Variants in GRID2 observed in about 807,000 individuals in gnomAD.
GRID2 encodes the protein glutamate ionotropic receptor delta type subunit 2.
In GRID2, 33 loss-of-function variants were observed where a neutral mutation model predicts 114.8. The observed-to-expected ratio is 0.29, with a 90% CI of 0.22 to 0.38. GRID2 has a LOEUF of 0.38. Among genes scored for constraint, GRID2 ranks in the 10% least tolerant of loss-of-function variants. The pLI is 1.00. For missense variants in GRID2, 1,184 were observed against 1,257.7 expected, an observed-to-expected ratio of 0.94 and a Z score of 0.89; for synonymous variants, 505 against 449.9, an observed-to-expected ratio of 1.12 and a Z score of -1.55.
At chr4:93,303,100 G>A (rs1024744861) in intron 8 of GRID2, among the ~76,000 whole-genome samples, 4 of 152,068 alleles carry the variant, frequency 2.6e-5, no homozygotes, top group African/African-American at 7.2e-5. Flanking sequence ...GAGGAAACAG[G>A]GGGAGGTGTT....
intron 2 of GRID2, among the ~76,000 whole-genome samples, chr4:92,704,163 A>G (rs1471425740): frequency 6.6e-6 from 1 of 152,138 alleles, no homozygotes; most frequent in African/African-American, 2.4e-5. Context: ...CTGTAGTCCC[A>G]GCTACTCAGG....
At position 93,422,772 on chromosome 4, in the gene GRID2, A is replaced by G. The variant is rs1768420272; in HGVS notation, c.1349A>G (p.Glu450Gly). The G allele has an allele frequency of 6.2e-7, 1 of 1,604,724 alleles. No homozygotes were observed. The highest frequency in any genetic ancestry group is 8.5e-7 in the Non-Finnish European group (1 of 1,171,620). ...GVVLRVVTVLEEPFVMVSENV... is the reference protein window; with the variant it reads ...GVVLRVVTVLGEPFVMVSENV... ...GAAATTTCTCTTATTTCCATGTAGGAAGAACCTTTTGTGATGGTCTCTGAA... is the reference window on the plus strand; with the variant it reads ...GAAATTTCTCTTATTTCCATGTAGGGAGAACCTTTTGTGATGGTCTCTGAA... Residue 450 changes from glutamate to glycine, a missense_variant and splice_region_variant, in exon 10 of 16, where the codon GAA becomes GGA. Physicochemically the swap from Glu to Gly is moderately conservative, Grantham distance 98. Coordinates refer to ENST00000282020, the MANE Select transcript of GRID2 (RefSeq NM_001510.4).
intron 3 of GRID2, among the ~76,000 whole-genome samples, chr4:93,108,507 A>G (rs1472545009): frequency 6.6e-6 from 1 of 152,078 alleles, no homozygotes; most frequent in Non-Finnish European, 1.5e-5. Context: ...TCTTGGATCT[A>G]TTTCAGTGTT....
intron 2 of GRID2, among the ~76,000 whole-genome samples, chr4:93,066,065 C>G (rs886418996): frequency 2.0e-5 from 3 of 151,610 alleles, no homozygotes; most frequent in African/African-American, 7.3e-5. Flanking sequence ...AAGTAACTTC[C>G]CTGAAGTTAC....
At chr4:92,558,958 T>G (rs1726992919) in intron 1 of GRID2, among the ~76,000 whole-genome samples, 1 of 152,134 alleles carries the variant, frequency 6.6e-6, no homozygotes, top group South Asian at 2.1e-4. Flanking sequence ...CTTTAATAAA[T>G]TTACTGTGAC....
At chr4:93,175,137 A>G (rs899823658) in intron 4 of GRID2, among the ~76,000 whole-genome samples, 26 of 150,452 alleles carry the variant, frequency 1.7e-4, no homozygotes, top group Non-Finnish European at 3.7e-4. Flanking sequence ...ATTCAATGTT[A>G]TCATTGTTTT....
At chr4:93,747,714 A>G (rs28635694) in intron 14 of GRID2, among the ~76,000 whole-genome samples, 13,615 of 152,060 alleles carry the variant, frequency 0.09, 684 homozygotes, top group African/African-American at 0.13. Context: ...GTAAAATCAC[A>G]TACTAAAAAT....
intron 2 of GRID2, among the ~76,000 whole-genome samples, chr4:92,603,882 G>A (rs1729335185): frequency 6.6e-6 from 1 of 151,788 alleles, no homozygotes; most frequent in Admixed American, 6.6e-5. Context: ...GACAAGAACA[G>A]ACACTTCTCA....
chr4:92,977,431 T>C (rs1275969058), intron 2 of GRID2, among the ~76,000 whole-genome samples: 1 of 152,124 alleles, frequency 6.6e-6, no homozygotes, highest in African/African-American at 2.4e-5. Flanking sequence ...TTAATATAAC[T>C]GGCATATTGT....
intron 1 of GRID2, among the ~76,000 whole-genome samples, chr4:92,369,281 C>G (rs984417365): frequency 6.6e-6 from 1 of 151,942 alleles, no homozygotes; most frequent in African/African-American, 2.4e-5. Flanking sequence ...ACAGAGATTC[C>G]CCTAATGTTA....
At chr4:92,379,034 T>C (rs189244392) in intron 1 of GRID2, among the ~76,000 whole-genome samples, 1 of 151,972 alleles carries the variant, frequency 6.6e-6, no homozygotes, top group Non-Finnish European at 1.5e-5. Context: ...CCAGGACCCA[T>C]TTATATGACT....
At chr4:92,324,095 A>G (rs927547218) in intron 1 of GRID2, among the ~76,000 whole-genome samples, 1 of 151,950 alleles carries the variant, frequency 6.6e-6, no homozygotes, top group African/African-American at 2.4e-5. Flanking sequence ...TTTGAAGCCT[A>G]TTGAATATAA....
chr4:92,482,619 C>T lies in GRID2; in HGVS notation c.89-107512C>T, dbSNP rs189431508. ...CAATTAAAATCTACTTTTTTTAAGACGAGATTAATTTAAGTCAGAATATGA... is the reference window on the plus strand; with the variant it reads ...CAATTAAAATCTACTTTTTTTAAGATGAGATTAATTTAAGTCAGAATATGA... On this transcript the variant is annotated intron_variant, in intron 1 of 15. Transcript: ENST00000282020. Among the ~76,000 whole-genome samples, 19 of 151,998 alleles carry T rather than the reference C, an allele frequency of 1.3e-4. 1 individual carries two copies. The East Asian group carries it at 2.1e-3, about 17-fold the overall frequency.
intron 2 of GRID2, among the ~76,000 whole-genome samples, chr4:92,737,455 G>A: frequency 6.6e-6 from 1 of 152,016 alleles, no homozygotes. Flanking sequence ...CTCATTTATA[G>A]AGTGAACAAC....
intron 1 of GRID2, among the ~76,000 whole-genome samples, chr4:92,470,651 C>T (rs1721989033): frequency 6.6e-6 from 1 of 151,820 alleles, no homozygotes; most frequent in African/African-American, 2.4e-5. Context: ...AACTAAATTG[C>T]ATTAGAAACA....
intron 2 of GRID2, among the ~76,000 whole-genome samples, chr4:92,862,764 A>C (rs576652761): frequency 1.3e-5 from 2 of 152,202 alleles, no homozygotes; most frequent in Non-Finnish European, 2.9e-5. Flanking sequence ...TAAATGTTCT[A>C]ATGCAGTTTT....
At chr4:92,849,107 C>A (rs1404186520) in intron 2 of GRID2, among the ~76,000 whole-genome samples, 1 of 151,928 alleles carries the variant, frequency 6.6e-6, no homozygotes, top group East Asian at 1.9e-4. Context: ...TATATGCCGC[C>A]TACCATCACC....
At chr4:92,755,476 C>T (rs978292440) in intron 2 of GRID2, among the ~76,000 whole-genome samples, 3 of 151,976 alleles carry the variant, frequency 2.0e-5, no homozygotes, top group African/African-American at 7.2e-5. Flanking sequence ...ATGGAGTGTC[C>T]TATTTTAAGT....
intron 13 of GRID2, among the ~76,000 whole-genome samples, chr4:93,532,020 A>T (rs1731498071): frequency 6.6e-6 from 1 of 152,136 alleles, no homozygotes; most frequent in Non-Finnish European, 1.5e-5. Flanking sequence ...AGAGGAAGAT[A>T]AAAAAGGAGT....
Sources: gnomAD v4.1 joint callset for allele counts (sites outside exome capture counted in the v4.1 genomes callset) on GRCh38, gnomAD v4.1.1 for gene constraint, MANE v1.5 for transcripts, NCBI Gene and HGNC (gene_info 2026-07-23, HGNC 2026-07-21) for gene names.